KLF15: variants seen among roughly 807,000 people sequenced by gnomAD.
The protein encoded by KLF15 is KLF transcription factor 15, also known as Krueppel-like factor 15.
In KLF15, 4 loss-of-function variants were observed where a neutral mutation model predicts 24.6. That is an observed-to-expected ratio of 0.16 (90% CI 0.08 to 0.37). KLF15 has a LOEUF of 0.37. Ranked by LOEUF, KLF15 falls within the 10% of genes least tolerant of loss-of-function variation. The probability of loss-of-function intolerance (pLI) is 1.00; values close to 1 mark genes in which losing one functional copy is unlikely to be tolerated. For synonymous variants in KLF15, 246 were observed against 236.3 expected (o/e 1.04, Z -0.37); for missense variants, 496 against 560.6 (o/e 0.88, Z 1.16).
the KLF15 span, among the ~76,000 whole-genome samples, chr3:126,316,439 T>C: frequency 8.4e-6 from 1 of 118,500 alleles, no homozygotes; most frequent in African/African-American, 3.4e-5. Flanking sequence ...TGCATGGGCC[T>C]GAGTGGGGAA....
chr3:126,333,877 C>T, the KLF15 span, among the ~76,000 whole-genome samples: 1 of 146,978 alleles, frequency 6.8e-6, no homozygotes, highest in African/African-American at 2.5e-5. Flanking sequence ...GCTAACTATC[C>T]TAAATATATA....
At chr3:126,329,379 G>A in the KLF15 span, among the ~76,000 whole-genome samples, 1 of 152,178 alleles carries the variant, frequency 6.6e-6, no homozygotes, top group East Asian at 1.9e-4. Flanking sequence ...AGCTACTCAG[G>A]AAGCTGAGGT....
the KLF15 span, among the ~76,000 whole-genome samples, chr3:126,295,998 T>G: frequency 1.3e-5 from 2 of 152,210 alleles, no homozygotes; most frequent in African/African-American, 4.8e-5. Flanking sequence ...GATGCTGATC[T>G]CTCTTCCCCA....
the KLF15 span, among the ~76,000 whole-genome samples, chr3:126,331,072 G>T: frequency 6.6e-6 from 1 of 152,188 alleles, no homozygotes; most frequent in Non-Finnish European, 1.5e-5. Context: ...GGGCAGCACA[G>T]AGGCAGGGTA....
chr3:126,311,293 A>T, the KLF15 span, among the ~76,000 whole-genome samples: 2 of 151,988 alleles, frequency 1.3e-5, no homozygotes, highest in Non-Finnish European at 2.9e-5. Context: ...GTCCCAGGGC[A>T]CTCTCTCCTC....
At chr3:126,308,443 G>A in the KLF15 span, among the ~76,000 whole-genome samples, 7 of 140,454 alleles carry the variant, frequency 5.0e-5, no homozygotes, top group Middle Eastern at 3.4e-3. Context: ...CCTGCTGGCC[G>A]CCAGGGGACG....
At chr3:126,355,734 G>A (rs1003618381) in intron 1 of KLF15, among the ~76,000 whole-genome samples, 4 of 152,252 alleles carry the variant, frequency 2.6e-5, no homozygotes, top group Non-Finnish European at 5.9e-5. Flanking sequence ...GTGAATGGAA[G>A]GTGCGGGGGA....
At chr3:126,297,730 T>C in the KLF15 span, among the ~76,000 whole-genome samples, 1 of 152,122 alleles carries the variant, frequency 6.6e-6, no homozygotes. Context: ...ACTTAACTTA[T>C]TCATTATTCA....
At chr3:126,311,074 G>T in the KLF15 span, among the ~76,000 whole-genome samples, 2 of 152,160 alleles carry the variant, frequency 1.3e-5, no homozygotes, top group Non-Finnish European at 2.9e-5. Flanking sequence ...TGGGGCTGGG[G>T]AGGGTCTTCC....
the KLF15 span, among the ~76,000 whole-genome samples, chr3:126,299,361 A>C: frequency 2.0e-5 from 3 of 152,016 alleles, no homozygotes; most frequent in African/African-American, 7.3e-5. Flanking sequence ...TGTATCCTGA[A>C]AGTTTACTGA....
chr3:126,306,988 T>C, the KLF15 span, among the ~76,000 whole-genome samples: 1 of 152,140 alleles, frequency 6.6e-6, no homozygotes, highest in Non-Finnish European at 1.5e-5. Context: ...GTTCTGCTGG[T>C]ACCACACCCT....
the KLF15 span, among the ~76,000 whole-genome samples, chr3:126,322,307 G>A: frequency 1.3e-5 from 2 of 152,166 alleles, no homozygotes; most frequent in South Asian, 2.1e-4. Context: ...CATCGGTGGC[G>A]CTGGTTCCTC....
At chr3:126,344,411 GCA>G (rs1284598781) in intron 2 of KLF15, among the ~76,000 whole-genome samples, 1 of 152,214 alleles carries the variant, frequency 6.6e-6, no homozygotes, top group African/African-American at 2.4e-5. Flanking sequence ...GCTCATGCTG[GCA>G]CAGTGGGCAT....
At chr3:126,295,284 C>A in the KLF15 span, among the ~76,000 whole-genome samples, 1 of 152,330 alleles carries the variant, frequency 6.6e-6, no homozygotes, top group African/African-American at 2.4e-5. Context: ...GTCCTTACAA[C>A]AACTTTAAGA....
At chr3:126,341,293 C>A (rs549138012), downstream of KLF15, among the ~76,000 whole-genome samples, 2 of 152,324 alleles carry the variant, frequency 1.3e-5, no homozygotes, top group African/African-American at 4.8e-5. Context: ...GATGTTGGGA[C>A]ACACACCCAG....
downstream of KLF15, among the ~76,000 whole-genome samples, chr3:126,342,147 C>A (rs2107549199): frequency 6.6e-6 from 1 of 152,344 alleles, no homozygotes; most frequent in Non-Finnish European, 1.5e-5. Context: ...TCACCTCTGC[C>A]TGCTCAGGAT....
the KLF15 span, among the ~76,000 whole-genome samples, chr3:126,326,620 G>A: frequency 1.4e-4 from 22 of 152,306 alleles, no homozygotes; most frequent in African/African-American, 4.8e-4. Context: ...AAGACAGATC[G>A]CACACCCTGA....
At chr3:126,337,477 G>A in the KLF15 span, among the ~76,000 whole-genome samples, 1 of 147,364 alleles carries the variant, frequency 6.8e-6, no homozygotes, top group Non-Finnish European at 1.5e-5. Flanking sequence ...CCTAATGCTA[G>A]ATGATGAGTT....
the KLF15 span, among the ~76,000 whole-genome samples, chr3:126,316,016 C>G: frequency 7.4e-4 from 112 of 152,260 alleles, no homozygotes; most frequent in African/African-American, 2.7e-3. Context: ...GAGTCAAATC[C>G]CACTGCTGTC....
Sources: allele counts gnomAD v4.1 joint callset (sites outside exome capture counted in the v4.1 genomes callset), GRCh38; gene constraint gnomAD v4.1.1; transcripts MANE v1.5; gene names NCBI Gene and HGNC (gene_info 2026-07-23, HGNC 2026-07-21).